DNAJC17: variants seen among roughly 807,000 people sequenced by gnomAD.
DNAJC17 encodes DnaJ heat shock protein family (Hsp40) member C17.
Under a neutral mutation model 48.1 loss-of-function variants are expected in DNAJC17, and 35 were observed. The observed-to-expected ratio is 0.73, with a 90% CI of 0.56 to 0.96. The LOEUF (loss-of-function observed/expected upper bound fraction) is 0.96. DNAJC17 is among the 50% of genes least tolerant of loss of function. The pLI, the probability that DNAJC17 is intolerant of heterozygous loss-of-function variation, is 0.00. For synonymous variants in DNAJC17, 117 were observed against 142.7 expected, an observed-to-expected ratio of 0.82 and a Z score of 1.28; for missense variants, 355 against 377.1, an observed-to-expected ratio of 0.94 and a Z score of 0.48.
At position 40,767,609 on chromosome 15, in the gene DNAJC17, T is replaced by A. The variant is rs1257596052; in HGVS notation, c.*331A>T. ...GCCGAGGGCCTTGTGTAGGCCATGT[T>A]CCTCGGGCAGCTGCCCCGGGCCGGA... On this transcript the variant is annotated 3_prime_UTR_variant, in exon 11 of 11. Coordinates refer to ENST00000220496, the MANE Select transcript of DNAJC17 (RefSeq NM_018163.3). 8.6e-6 allele frequency: 5 copies of A among 584,140 alleles called. No individual in the cohort carries two copies. In the East Asian group the frequency reaches 1.3e-4, roughly 15 times the overall value. The allele number at this position is 584,140 out of a possible 1,614,324, so 36.2% of individuals were successfully genotyped here.
chr15:40,776,584 C>T lies in DNAJC17; in HGVS notation c.339G>A (p.Glu113=). The part of the protein sequence containing the change: ...RERQAQAQES[E]EEEESRSTRT... ...TGGTGCTCCGGCTCTCCTCTTCCTC[C>T]TCACTCTCCTGGGCCTGGGCCTGCC... Residue 113 remains glutamate (E), a synonymous_variant, in exon 5 of 11, where the codon GAG becomes GAA. Coordinates refer to ENST00000220496, the MANE Select transcript of DNAJC17 (RefSeq NM_018163.3). The T allele has an allele frequency of 1.2e-6, 2 of 1,614,056 alleles. No homozygotes were observed. The highest frequency in any genetic ancestry group is 1.7e-6 in the Non-Finnish European group (2 of 1,180,016).
chr15:40,802,682 A>C (rs2141965624), intron 1 of DNAJC17, among the ~76,000 whole-genome samples: 1 of 152,220 alleles, frequency 6.6e-6, no homozygotes, highest in Non-Finnish European at 1.5e-5. Context: ...TCAGGGCATC[A>C]GGGCATCAGG....
At chr15:40,805,113 C>T (rs757457254) in intron 1 of DNAJC17, among the ~76,000 whole-genome samples, 3 of 152,158 alleles carry the variant, frequency 2.0e-5, no homozygotes, top group Non-Finnish European at 4.4e-5. Context: ...CATAGTGGCT[C>T]ACACCTGTAA....
At chr15:40,771,200 T>C (rs988325505) in intron 10 of DNAJC17, 1 of 661,274 alleles carries the variant, frequency 1.5e-6, no homozygotes, top group East Asian at 2.7e-5. Context: ...CTCTGGGTCC[T>C]GGACAGTCCT....
At chr15:40,800,844 G>C (rs1473840577) in intron 1 of DNAJC17, among the ~76,000 whole-genome samples, 1 of 151,714 alleles carries the variant, frequency 6.6e-6, no homozygotes, top group East Asian at 1.9e-4. Context: ...CTGTAATCTC[G>C]GCTACTCCGG....
chr15:40,797,508 G>GA (rs1366459546), intron 1 of DNAJC17, among the ~76,000 whole-genome samples: 1 of 151,842 alleles, frequency 6.6e-6, no homozygotes, highest in Non-Finnish European at 1.5e-5. Flanking sequence ...CCGCCTCTGG[G>GA]TTCAAGCGAT....
At chr15:40,785,708 C>A (rs933775113) in intron 1 of DNAJC17, among the ~76,000 whole-genome samples, 2 of 152,184 alleles carry the variant, frequency 1.3e-5, no homozygotes, top group Non-Finnish European at 2.9e-5. Flanking sequence ...CATTTGAATT[C>A]TCTAGGTGGA....
At chr15:40,790,007 C>T (rs751995673) in intron 1 of DNAJC17, among the ~76,000 whole-genome samples, 2 of 149,786 alleles carry the variant, frequency 1.3e-5, no homozygotes, top group African/African-American at 2.5e-5. Flanking sequence ...ATAGGGAAAG[C>T]GCTATGCAAA....
At chr15:40,800,477 G>A (rs1890049155) in intron 1 of DNAJC17, among the ~76,000 whole-genome samples, 1 of 150,538 alleles carries the variant, frequency 6.6e-6, no homozygotes, top group African/African-American at 2.4e-5. Context: ...TATTGAGATT[G>A]TCTTTTTCTT....
At chr15:40,790,750 T>C (rs893026550) in intron 1 of DNAJC17, among the ~76,000 whole-genome samples, 3 of 152,228 alleles carry the variant, frequency 2.0e-5, no homozygotes, top group Admixed American at 6.5e-5. Context: ...ATAATTTATG[T>C]GAAAGCACTT....
In DNAJC17 at chr15:40,769,364, G is replaced by T. The variant is rs1463993776; in HGVS notation, c.793-1302C>A. On this transcript the variant is annotated intron_variant, in intron 10 of 10. Transcript: ENST00000220496. This position sits in a 1 kb window ranked among gnomAD's most constrained non-coding sequence, Gnocchi z 4.2. ...TTCAGCAGCCGCTCTCCTGGCAGGA[G>T]CCCTCTAGGGTAAAACAAGGGAGGA... Among the ~76,000 whole-genome samples, 1 of 152,214 alleles carries T rather than the reference G, an allele frequency of 6.6e-6. No homozygotes were observed. Among genetic ancestry groups the T allele is most frequent in the Non-Finnish European group, 1.5e-5 (1 of 68,026 alleles).
chr15:40,770,569 G>A lies in DNAJC17; in HGVS notation c.793-2507C>T, dbSNP rs755114995. 4.0e-5 allele frequency: 62 copies of A among 1,550,506 alleles called. No homozygotes were observed. Among genetic ancestry groups the A allele is most frequent in the East Asian group, 9.8e-5 (4 of 40,928 alleles). On this transcript the variant is annotated intron_variant, in intron 10 of 10. Coordinates refer to ENST00000220496, the MANE Select transcript of DNAJC17 (RefSeq NM_018163.3). The surrounding 1 kb of genome is among the most constrained non-coding windows in gnomAD (Gnocchi z 5.0). ...CAGCTGAGCCTGGGGCGGCCACGGCGGCTCCGGCGACAGAGTAGTGTGCTT... is the reference window on the plus strand; with the variant it reads ...CAGCTGAGCCTGGGGCGGCCACGGCAGCTCCGGCGACAGAGTAGTGTGCTT...
chr15:40,800,504 T>G (rs1890050166), intron 1 of DNAJC17, among the ~76,000 whole-genome samples: 2 of 151,922 alleles, frequency 1.3e-5, no homozygotes, highest in East Asian at 1.9e-4. Flanking sequence ...TTTTTAATTT[T>G]TTTACAGACA....
intron 9 of DNAJC17, among the ~76,000 whole-genome samples, 164 bp from the exon 10 acceptor site, chr15:40,774,001 C>T (rs369515236): frequency 3.9e-5 from 6 of 152,192 alleles, no homozygotes; most frequent in South Asian, 4.2e-4. Flanking sequence ...GCCTTTCCTG[C>T]GGGAGAGGGG....
At chr15:40,806,271 T>A (rs1158249977) in intron 1 of DNAJC17, among the ~76,000 whole-genome samples, 1 of 145,442 alleles carries the variant, frequency 6.9e-6, no homozygotes, top group Non-Finnish European at 1.5e-5. Context: ...CAGACTGGAG[T>A]GCAGTGGTGC....
At chr15:40,776,313 G>A (rs769256544) in intron 5 of DNAJC17, 21 bp from the exon 6 acceptor site, 1 of 1,610,740 alleles carries the variant, frequency 6.2e-7, no homozygotes, top group Non-Finnish European at 8.5e-7. Flanking sequence ...GGGGGTGGGG[G>A]TGACAATTCT....
Position 40,767,378 on chromosome 15 carries a change from ACCC to A in DNAJC17, c.*559_*561del, listed in dbSNP as rs2141941785. On this transcript the variant is annotated 3_prime_UTR_variant, in exon 11 of 11. Coordinates refer to ENST00000220496, the MANE Select transcript of DNAJC17 (RefSeq NM_018163.3). ...TCTCATGCTGATTTGCAGACGGGGCACCCCTGTGGAGGGGCTGCTGTGGGCCCT... is the reference window on the plus strand; with the variant it reads ...TCTCATGCTGATTTGCAGACGGGGCACTGTGGAGGGGCTGCTGTGGGCCCT... 1 of 1,579,270 alleles carries A rather than the reference ACCC, an allele frequency of 6.3e-7. No homozygotes were observed. The highest frequency in any genetic ancestry group is 1.4e-5 in the African/African-American group (1 of 72,784).
chr15:40,794,390 G>A (rs925177762), intron 1 of DNAJC17, among the ~76,000 whole-genome samples: 1 of 149,892 alleles, frequency 6.7e-6, no homozygotes, highest in African/African-American at 2.5e-5. Flanking sequence ...TGTTACTTTC[G>A]GCTGGGCACA....
intron 4 of DNAJC17, among the ~76,000 whole-genome samples, chr15:40,778,028 A>C (rs1484347572): frequency 6.6e-6 from 1 of 151,998 alleles, no homozygotes; most frequent in African/African-American, 2.4e-5. Context: ...TTGGGGTTAG[A>C]ACAAATTAAA....
Sources: gnomAD v4.1 joint callset for allele counts (sites outside exome capture counted in the v4.1 genomes callset) on GRCh38, gnomAD v4.1.1 for gene constraint, Gnocchi (gnomAD v3.1) non-coding constraint, MANE v1.5 for transcripts, NCBI Gene and HGNC (gene_info 2026-07-23, HGNC 2026-07-21) for gene names.